SLC25A26: variants seen among roughly 807,000 people sequenced by gnomAD.
SLC25A26 encodes the protein solute carrier family 25 member 26.
Under a neutral mutation model 37.8 loss-of-function variants are expected in SLC25A26, and 36 were observed. The ratio of observed to expected loss-of-function variants is 0.95; its 90% CI spans 0.73 to 1.26. The LOEUF (loss-of-function observed/expected upper bound fraction) is 1.26, where lower values mean the gene tolerates loss of function less well. SLC25A26 is among the 50% of genes most tolerant of loss of function. The pLI is 0.00. For synonymous variants in SLC25A26, 129 were observed against 122.5 expected, an observed-to-expected ratio of 1.05 and a Z score of -0.35; for missense variants, 390 against 331.1, an observed-to-expected ratio of 1.18 and a Z score of -1.38.
intron 5 of SLC25A26, among the ~76,000 whole-genome samples, chr3:66,331,790 T>A (rs929105964): frequency 6.6e-6 from 1 of 152,202 alleles, no homozygotes; most frequent in Non-Finnish European, 1.5e-5. Context: ...CATGTGACTT[T>A]CCCCACCAAC....
At chr3:66,206,894 C>CTTTTTTTT (rs1192766670) in intron 1 of SLC25A26, among the ~76,000 whole-genome samples, 1 of 124,572 alleles carries the variant, frequency 8.0e-6, no homozygotes, top group Non-Finnish European at 1.7e-5. Flanking sequence ...TTCTTTCTTT[C>CTTTTTTTT]TTTTTTTTTT....
chr3:66,164,961 C>T (rs1036576182), intron 1 of SLC25A26, among the ~76,000 whole-genome samples: 3 of 152,166 alleles, frequency 2.0e-5, no homozygotes, highest in African/African-American at 7.2e-5. Flanking sequence ...CTTCAAGATG[C>T]CCCCAATGAT....
chr3:66,268,147 T>G (rs577589545), intron 5 of SLC25A26, among the ~76,000 whole-genome samples: 1 of 152,240 alleles, frequency 6.6e-6, no homozygotes, highest in Non-Finnish European at 1.5e-5. Flanking sequence ...AGTAGTCCAT[T>G]GTATAAACAA....
At chr3:66,137,647 T>C (rs771664214) in intron 1 of SLC25A26, among the ~76,000 whole-genome samples, 2 of 152,278 alleles carry the variant, frequency 1.3e-5, no homozygotes, top group East Asian at 1.9e-4. Flanking sequence ...AAGACACTCA[T>C]AGAGTCATTG....
intron 5 of SLC25A26, among the ~76,000 whole-genome samples, chr3:66,274,097 A>G (rs1207495910): frequency 3.3e-5 from 5 of 152,068 alleles, no homozygotes; most frequent in Non-Finnish European, 7.3e-5. Flanking sequence ...ATAAGGCCGC[A>G]TATCTACAAC....
rs568401776 is a variant in SLC25A26 at position 66,168,494 on chromosome 3, G to A, written c.-354+34510G>A. On this transcript the variant is annotated intron_variant, in intron 1 of 10. Coordinates refer to the SLC25A26 transcript ENST00000676754. ...TGGTTCTTTAGAAAGTCTTGCCTTTGTAAGGCATTTTTAGAAAGTCTTGGA... is the reference window on the plus strand; with the variant it reads ...TGGTTCTTTAGAAAGTCTTGCCTTTATAAGGCATTTTTAGAAAGTCTTGGA... Among the ~76,000 whole-genome samples the A allele has an allele frequency of 3.3e-5, 5 of 152,204 alleles. No individual in the cohort carries two copies. In the East Asian group the frequency reaches 9.6e-4, roughly 29 times the overall value.
At chr3:66,314,041 A>G (rs1255268103) in intron 5 of SLC25A26, among the ~76,000 whole-genome samples, 8 of 152,204 alleles carry the variant, frequency 5.3e-5, no homozygotes, top group Admixed American at 3.9e-4. Context: ...GGGGTTTTCT[A>G]GAAGGAGTAT....
At chr3:66,181,797 T>C (rs2070712674) in intron 1 of SLC25A26, among the ~76,000 whole-genome samples, 1 of 150,028 alleles carries the variant, frequency 6.7e-6, no homozygotes, top group Admixed American at 6.7e-5. Context: ...TTTTTTTTTT[T>C]TTTTTTCACC....
chr3:66,250,329 T>C (rs1027306433), intron 3 of SLC25A26, among the ~76,000 whole-genome samples: 1 of 152,210 alleles, frequency 6.6e-6, no homozygotes, highest in Non-Finnish European at 1.5e-5. Flanking sequence ...TACTGCCTTT[T>C]AGAGGCTTGC....
At chr3:66,212,140 G>T (rs2071292166) in intron 1 of SLC25A26, among the ~76,000 whole-genome samples, 1 of 152,046 alleles carries the variant, frequency 6.6e-6, no homozygotes, top group Non-Finnish European at 1.5e-5. Context: ...TTGGAGACTG[G>T]GTGTCCTGTT....
At chr3:66,196,841 G>T (rs1482677450) in intron 1 of SLC25A26, among the ~76,000 whole-genome samples, 1 of 152,012 alleles carries the variant, frequency 6.6e-6, no homozygotes, top group African/African-American at 2.4e-5. Flanking sequence ...GAGACACCTA[G>T]AGGACAGAAA....
At chr3:66,175,204 A>C (rs2070568452) in intron 1 of SLC25A26, among the ~76,000 whole-genome samples, 1 of 150,072 alleles carries the variant, frequency 6.7e-6, no homozygotes, top group Non-Finnish European at 1.5e-5. Context: ...ACACACACAC[A>C]GATTTACTAT....
chr3:66,360,929 A>C (rs954199817), intron 6 of SLC25A26, among the ~76,000 whole-genome samples: 4 of 152,254 alleles, frequency 2.6e-5, no homozygotes, highest in African/African-American at 9.6e-5. Flanking sequence ...GAAATGCAAA[A>C]TATTTAGAAT....
intron 3 of SLC25A26, among the ~76,000 whole-genome samples, chr3:66,245,261 A>C (rs919723830): frequency 3.3e-5 from 5 of 151,782 alleles, no homozygotes; most frequent in Non-Finnish European, 5.9e-5. Context: ...AAAAAAAAAA[A>C]AAAAAACAAA....
At chr3:66,360,359 T>C (rs923547970) in intron 6 of SLC25A26, among the ~76,000 whole-genome samples, 3 of 152,200 alleles carry the variant, frequency 2.0e-5, no homozygotes, top group African/African-American at 7.2e-5. Context: ...TTGCAATGCA[T>C]ACCATTATTC....
intron 1 of SLC25A26, among the ~76,000 whole-genome samples, chr3:66,187,626 A>T (rs2070854763): frequency 9.2e-5 from 14 of 152,056 alleles, no homozygotes. Context: ...TGAAACCCTC[A>T]TGCAAACCTT....
upstream of SLC25A26, among the ~76,000 whole-genome samples, chr3:66,220,172 T>C (rs1488869461): frequency 6.6e-6 from 1 of 152,200 alleles, no homozygotes; most frequent in Non-Finnish European, 1.5e-5. Flanking sequence ...GTAGCCACAT[T>C]GAGTCGGTTA....
At chr3:66,316,432 G>C (rs2075541200) in intron 5 of SLC25A26, among the ~76,000 whole-genome samples, 1 of 152,174 alleles carries the variant, frequency 6.6e-6, no homozygotes, top group Non-Finnish European at 1.5e-5. Context: ...TAAGCATGTT[G>C]AATATCAGCC....
At chr3:66,336,682 C>T (rs1035993606) in intron 5 of SLC25A26, among the ~76,000 whole-genome samples, 5 of 152,136 alleles carry the variant, frequency 3.3e-5, no homozygotes, top group African/African-American at 9.7e-5. Context: ...AATGAACTTC[C>T]TGGATTGCTT....
Sources: gnomAD v4.1 joint callset for allele counts (sites outside exome capture counted in the v4.1 genomes callset) on GRCh38, gnomAD v4.1.1 for gene constraint, MANE v1.5 for transcripts, NCBI Gene and HGNC (gene_info 2026-07-23, HGNC 2026-07-21) for gene names.